Variants in FBXL5 observed in about 807,000 individuals in gnomAD.
FBXL5 encodes the protein F-box/LRR-repeat protein 5.
Under a neutral mutation model 78.3 loss-of-function variants are expected in FBXL5, and 26 were observed. That is an observed-to-expected ratio of 0.33 (90% CI 0.24 to 0.46). FBXL5 has a LOEUF of 0.46. FBXL5 is among the 20% of genes least tolerant of loss of function. FBXL5 has a pLI of 1.00. For synonymous variants in FBXL5, 295 were observed against 282.5 expected, an observed-to-expected ratio of 1.04 and a Z score of -0.45; for missense variants, 710 against 829.2, an observed-to-expected ratio of 0.86 and a Z score of 1.77.
intron 9 of FBXL5, among the ~76,000 whole-genome samples, chr4:15,615,315 C>A (rs1447337989): frequency 6.6e-6 from 1 of 152,248 alleles, no homozygotes; most frequent in East Asian, 1.9e-4. Context: ...CGGCGCGGGA[C>A]TGGCAGGCAG....
intron 9 of FBXL5, among the ~76,000 whole-genome samples, chr4:15,617,759 A>G (rs1171347277): frequency 6.6e-6 from 1 of 152,204 alleles, no homozygotes; most frequent in Non-Finnish European, 1.5e-5. Context: ...CTAAACGATC[A>G]GAACACATGT....
At chr4:15,681,146 A>C (rs1354449703) in intron 1 of FBXL5, 2 of 152,162 alleles carry the variant, frequency 1.3e-5, no homozygotes, top group African/African-American at 4.8e-5. Context: ...AAAATCAATG[A>C]TCTGCTAACC....
intron 9 of FBXL5, among the ~76,000 whole-genome samples, chr4:15,624,436 C>G (rs539925544): frequency 2.0e-5 from 3 of 152,148 alleles, no homozygotes; most frequent in Non-Finnish European, 4.4e-5. Flanking sequence ...GTCTGCCATG[C>G]TCCCAAGTCA....
intron 1 of FBXL5, 52 bp from the exon 2 acceptor site, chr4:15,644,760 A>G: frequency 7.7e-7 from 1 of 1,297,546 alleles, no homozygotes; most frequent in Non-Finnish European, 1.1e-6. Flanking sequence ...AAATATGCAC[A>G]AATAAAAAAT....
chr4:15,652,609 A>T (rs1284940284), intron 1 of FBXL5, among the ~76,000 whole-genome samples: 1 of 152,186 alleles, frequency 6.6e-6, no homozygotes, highest in African/African-American at 2.4e-5. Flanking sequence ...TTCTCATCCT[A>T]TTCACCTTTA....
At chr4:15,654,666 A>G (rs1307930283) in intron 1 of FBXL5, among the ~76,000 whole-genome samples, 1 of 152,214 alleles carries the variant, frequency 6.6e-6, no homozygotes, top group Non-Finnish European at 1.5e-5. Flanking sequence ...GGGTAAAAGG[A>G]ACCGGGTAGC....
At chr4:15,623,239 G>A (rs1712664634) in intron 9 of FBXL5, among the ~76,000 whole-genome samples, 2 of 151,530 alleles carry the variant, frequency 1.3e-5, no homozygotes, top group Non-Finnish European at 2.9e-5. Context: ...TACTTTGAAA[G>A]CAAAAAAAAC....
At chr4:15,664,630 T>TAC (rs1256192212), upstream of FBXL5, among the ~76,000 whole-genome samples, 6 of 134,136 alleles carry the variant, frequency 4.5e-5, no homozygotes, top group Non-Finnish European at 7.7e-5. Flanking sequence ...CGATCTCAGC[T>TAC]CACTGCAACC....
chr4:15,638,353 T>A (rs1020170659), intron 4 of FBXL5, among the ~76,000 whole-genome samples, 155 bp downstream of exon 4: 1 of 152,202 alleles, frequency 6.6e-6, no homozygotes, highest in Non-Finnish European at 1.5e-5. Flanking sequence ...AGAACCATCG[T>A]CTTCAATTAA....
intron 1 of FBXL5, among the ~76,000 whole-genome samples, chr4:15,675,581 T>C (rs1717955542): frequency 1.4e-5 from 2 of 145,108 alleles, no homozygotes; most frequent in Admixed American, 7.0e-5. Flanking sequence ...TATTTTTTTT[T>C]TTTTTTTTTT....
chr4:15,659,410 G>A (rs1717197356), upstream of FBXL5, among the ~76,000 whole-genome samples: 2 of 152,168 alleles, frequency 1.3e-5, no homozygotes, highest in South Asian at 4.1e-4. Flanking sequence ...TTCTCATTTT[G>A]ACCTCATAAG....
intron 10 of FBXL5, among the ~76,000 whole-genome samples, chr4:15,607,338 T>C (rs1435341951): frequency 6.6e-6 from 1 of 152,198 alleles, no homozygotes; most frequent in Non-Finnish European, 1.5e-5. Context: ...CTAAAGCCAA[T>C]TTTTATTTAA....
intron 2 of FBXL5, among the ~76,000 whole-genome samples, chr4:15,643,555 G>A (rs1715098857): frequency 7.1e-6 from 1 of 140,536 alleles, no homozygotes; most frequent in African/African-American, 2.7e-5. Flanking sequence ...ACAGGCGCCT[G>A]CCACTATGTC....
intron 1 of FBXL5, among the ~76,000 whole-genome samples, chr4:15,648,621 G>A (rs1236488341): frequency 6.6e-6 from 1 of 152,210 alleles, no homozygotes; most frequent in African/African-American, 2.4e-5. Flanking sequence ...CAGAGACAGA[G>A]AGATAAATAA....
intron 1 of FBXL5, among the ~76,000 whole-genome samples, chr4:15,646,963 C>G (rs1353661088): frequency 1.3e-5 from 2 of 151,964 alleles, no homozygotes; most frequent in African/African-American, 4.8e-5. Context: ...TGGCTCACAC[C>G]TGTAATCCCA....
At chr4:15,631,791 A>C (rs1713699056) in intron 5 of FBXL5, among the ~76,000 whole-genome samples, 3 of 151,906 alleles carry the variant, frequency 2.0e-5, no homozygotes. Context: ...CATTTGTTTA[A>C]GTTCTTTGTA....
intron 9 of FBXL5, among the ~76,000 whole-genome samples, chr4:15,616,923 G>T (rs751236334): frequency 2.0e-5 from 3 of 152,146 alleles, no homozygotes; most frequent in Non-Finnish European, 4.4e-5. Context: ...GCCTGCAGTG[G>T]CAAGCTGCCT....
At chr4:15,681,005 G>A (rs1231298168) in intron 1 of FBXL5, among the ~76,000 whole-genome samples, 1 of 150,194 alleles carries the variant, frequency 6.7e-6, no homozygotes, top group Non-Finnish European at 1.5e-5. Context: ...AATTTGGTTT[G>A]TGACAAAGAT....
intron 4 of FBXL5, 127 bp from the exon 5 acceptor site, chr4:15,636,803 A>G (rs2148624912): frequency 4.7e-6 from 3 of 644,254 alleles, no homozygotes; most frequent in Middle Eastern, 9.0e-4. Context: ...CAAGATGTGA[A>G]AATGAAATAA....
Sources: gnomAD v4.1 joint callset for allele counts (sites outside exome capture counted in the v4.1 genomes callset) on GRCh38, gnomAD v4.1.1 for gene constraint, MANE v1.5 for transcripts, NCBI Gene and HGNC (gene_info 2026-07-23, HGNC 2026-07-21) for gene names.